The following SEMA3C variants were observed in gnomAD, a reference collection of about 807,000 sequenced individuals.
SEMA3C encodes semaphorin-3C.
SEMA3C carries 47 observed loss-of-function variants against 89.4 expected under a neutral mutation model. The ratio of observed to expected loss-of-function variants is 0.53; its 90% CI spans 0.42 to 0.67. The LOEUF (loss-of-function observed/expected upper bound fraction) is 0.67. Among genes scored for constraint, SEMA3C ranks in the 30% least tolerant of loss-of-function variants. SEMA3C has a pLI of 0.00. For missense variants in SEMA3C, 839 were observed against 929.1 expected (o/e 0.90, Z 1.26); for synonymous variants, 310 against 320.2 (o/e 0.97, Z 0.34).
intron 17 of SEMA3C, among the ~76,000 whole-genome samples, chr7:80,746,533 T>C (rs1787803221): frequency 6.6e-6 from 1 of 152,110 alleles, no homozygotes; most frequent in African/African-American, 2.4e-5. Flanking sequence ...TTTGGCACAA[T>C]TACATTTTAG....
chr7:80,899,935 T>C (rs1247887869), intron 2 of SEMA3C, among the ~76,000 whole-genome samples: 1 of 152,322 alleles, frequency 6.6e-6, no homozygotes, highest in South Asian at 2.1e-4. Context: ...TCTATTCTAG[T>C]TATCTTTTAA....
chr7:80,788,605 C>CA (rs1358674434), intron 12 of SEMA3C, among the ~76,000 whole-genome samples: 1 of 152,184 alleles, frequency 6.6e-6, no homozygotes, highest in East Asian at 1.9e-4. Context: ...TATTCCCTAT[C>CA]ATGTGGGTCT....
chr7:80,813,993 C>T (rs1478281083), intron 5 of SEMA3C, among the ~76,000 whole-genome samples: 1 of 151,988 alleles, frequency 6.6e-6, no homozygotes, highest in Non-Finnish European at 1.5e-5. Flanking sequence ...TAGTTGAAAA[C>T]TTCTATGTTT....
At chr7:80,810,499 T>C (rs895462899) in intron 6 of SEMA3C, 112 bp downstream of exon 6, 2 of 684,238 alleles carry the variant, frequency 2.9e-6, no homozygotes, top group Non-Finnish European at 2.4e-6. Flanking sequence ...TTCTTCATAT[T>C]ATTTTACTCA....
chr7:80,884,857 T>C (rs1369640665), intron 2 of SEMA3C, among the ~76,000 whole-genome samples: 1 of 152,354 alleles, frequency 6.6e-6, no homozygotes, highest in South Asian at 2.1e-4. Context: ...TGATAATATG[T>C]TGACGGTGTA....
At chr7:80,858,242 T>C (rs1790687594) in intron 2 of SEMA3C, among the ~76,000 whole-genome samples, 1 of 152,124 alleles carries the variant, frequency 6.6e-6, no homozygotes, top group South Asian at 2.1e-4. Flanking sequence ...ACAGTTTCTT[T>C]GGGTGCGGCT....
chr7:80,828,459 T>C (rs1284971209), intron 3 of SEMA3C, 126 bp downstream of exon 3: 10 of 723,638 alleles, frequency 1.4e-5, no homozygotes, highest in Non-Finnish European at 1.9e-5. Flanking sequence ...CTAACTTTCA[T>C]AGTAACATGG....
At chr7:80,775,847 A>C (rs967596275) in intron 12 of SEMA3C, among the ~76,000 whole-genome samples, 18 of 152,260 alleles carry the variant, frequency 1.2e-4, no homozygotes, top group African/African-American at 4.3e-4. Flanking sequence ...GTTTCAAATA[A>C]GGGAATATAA....
intron 2 of SEMA3C, among the ~76,000 whole-genome samples, chr7:80,909,546 G>A (rs115109179): frequency 2.0e-5 from 3 of 152,116 alleles, no homozygotes; most frequent in Non-Finnish European, 2.9e-5. Context: ...GCTAGCAAGC[G>A]TTAAAGTTGA....
intron 2 of SEMA3C, among the ~76,000 whole-genome samples, chr7:80,840,523 A>T (rs1319381499): frequency 9.8e-6 from 1 of 102,060 alleles, no homozygotes; most frequent in African/African-American, 3.1e-5. Context: ...TCCAGGAAAA[A>T]AAAAAAAAAA....
intron 12 of SEMA3C, 103 bp from the exon 13 acceptor site, chr7:80,765,346 G>T: frequency 1.2e-6 from 1 of 813,202 alleles, no homozygotes; most frequent in Non-Finnish European, 2.0e-6. Flanking sequence ...TAAGTATTTA[G>T]TAATCAAAAA....
chr7:80,776,011 G>A (rs1354269894), intron 12 of SEMA3C, among the ~76,000 whole-genome samples: 2 of 151,396 alleles, frequency 1.3e-5, no homozygotes, highest in Non-Finnish European at 1.5e-5. Flanking sequence ...TAAAATGATG[G>A]AGTATACATC....
chr7:80,851,786 GA>G (rs796309714), intron 2 of SEMA3C, among the ~76,000 whole-genome samples: 4 of 149,328 alleles, frequency 2.7e-5, no homozygotes, highest in Admixed American at 1.3e-4. Flanking sequence ...AAGTGATAAA[GA>G]AAAAAAAAGT....
intron 15 of SEMA3C, among the ~76,000 whole-genome samples, chr7:80,754,956 T>TG (rs1446488879): frequency 7.1e-4 from 83 of 117,344 alleles, no homozygotes; most frequent in Non-Finnish European, 1.4e-3. Context: ...TGTTTTTTTT[T>TG]GTTTTTTTTT....
At chr7:80,922,220 CG>C (rs1264954217), upstream of SEMA3C, 2 of 1,279,416 alleles carry the variant, frequency 1.6e-6, no homozygotes, top group Admixed American at 4.6e-5. Flanking sequence ...GCGTGATTGC[CG>C]TAATGTCTCA....
intron 11 of SEMA3C, among the ~76,000 whole-genome samples, chr7:80,797,424 A>T (rs1789090680): frequency 6.6e-6 from 1 of 152,186 alleles, no homozygotes; most frequent in African/African-American, 2.4e-5. Flanking sequence ...ATATTGCATG[A>T]TATGGATATA....
At chr7:80,867,767 T>C (rs901744824) in intron 2 of SEMA3C, among the ~76,000 whole-genome samples, 2 of 151,914 alleles carry the variant, frequency 1.3e-5, no homozygotes, top group Non-Finnish European at 2.9e-5. Context: ...GAAAAAGTCA[T>C]GAGAAGGAAA....
intron 14 of SEMA3C, 131 bp from the exon 15 acceptor site, chr7:80,758,619 G>A: frequency 1.1e-6 from 1 of 900,966 alleles, no homozygotes; most frequent in Non-Finnish European, 1.7e-6. Flanking sequence ...ATGAAGCAAA[G>A]CACAGAAGGG....
intron 13 of SEMA3C, among the ~76,000 whole-genome samples, chr7:80,762,991 C>CA (rs1457141400): frequency 6.6e-6 from 1 of 152,168 alleles, no homozygotes; most frequent in African/African-American, 2.4e-5. Context: ...TTTAATTCTC[C>CA]ATTGTGACAA....
Sources: allele counts gnomAD v4.1 joint callset (sites outside exome capture counted in the v4.1 genomes callset), GRCh38; gene constraint gnomAD v4.1.1; transcripts MANE v1.5; gene names NCBI Gene and HGNC (gene_info 2026-07-23, HGNC 2026-07-21).